Variants in ZNF519 observed in about 807,000 individuals in gnomAD.
ZNF519 encodes similar to Zinc finger protein 85 (Zinc finger protein HPF4) (HTF1).
ZNF519 carries 7 observed loss-of-function variants against 7.4 expected under a neutral mutation model. The ratio of observed to expected loss-of-function variants is 0.94; its 90% confidence interval spans 0.54 to 1.77. The LOEUF (loss-of-function observed/expected upper bound fraction) is 1.77, where lower values mean the gene tolerates loss of function less well. Among genes scored for constraint, ZNF519 ranks in the 40% most tolerant of loss-of-function variants. The pLI is 0.00. For synonymous variants in ZNF519, 179 were observed against 203.3 expected (o/e 0.88, Z 1.02); for missense variants, 586 against 623.1 (o/e 0.94, Z 0.63).
At position 14,105,955 on chromosome 18, in the gene ZNF519, C is replaced by CT. The variant is rs2046188631; in HGVS notation, c.584dup (p.Leu196AlafsTer5). On this transcript the variant is annotated frameshift_variant, in exon 3 of 3. Coordinates refer to ENST00000590202, the MANE Select transcript of ZNF519 (RefSeq NM_145287.4). LOFTEE classifies it low-confidence loss of function (END_TRUNC). ...TATGGATATTTTCAGGGAAAATAAG[C>CT]TTTGAGGATTGGTAAAATACTTTTT... 1 of 1,604,654 alleles carries CT rather than the reference C, an allele frequency of 6.2e-7. No individual in the cohort carries two copies. The highest frequency in any genetic ancestry group is 1.3e-5 in the African/African-American group (1 of 74,554).
At chr18:14,111,515 G>GAAAAAAAAAAAAAAA (rs371322134) in intron 2 of ZNF519, among the ~76,000 whole-genome samples, 1 of 72,638 alleles carries the variant, frequency 1.4e-5, no homozygotes, top group African/African-American at 5.1e-5. Flanking sequence ...TCAAAAAAAA[G>GAAAAAAAAAAAAAAA]AAAAAAAAAA....
At chr18:14,096,095 C>T (rs2046135398), downstream of ZNF519, among the ~76,000 whole-genome samples, 1 of 152,228 alleles carries the variant, frequency 6.6e-6, no homozygotes, top group Non-Finnish European at 1.5e-5. Flanking sequence ...GGCCTGAGGT[C>T]AGGGGCCATG....
In ZNF519 at chr18:14,104,500, C is replaced by T. The variant is rs2046177702; in HGVS notation, c.*417G>A. On this transcript the variant is annotated 3_prime_UTR_variant, in exon 3 of 3. Coordinates refer to ENST00000590202, the MANE Select transcript of ZNF519 (RefSeq NM_145287.4). ...ATGCCTACCTAACGTAGAAGGGACTCTCATGTCAGAGACAGCAATAATCAA... is the reference window on the plus strand; with the variant it reads ...ATGCCTACCTAACGTAGAAGGGACTTTCATGTCAGAGACAGCAATAATCAA... 1 of 157,320 alleles carries T rather than the reference C, an allele frequency of 6.4e-6. No individual in the cohort carries two copies. Among genetic ancestry groups the T allele is most frequent in the Admixed American group, 6.2e-5 (1 of 16,068 alleles). The allele number at this position is 157,320 out of a possible 1,614,324, so 9.7% of individuals were successfully genotyped here. A position where few individuals can be genotyped will look rare whatever the true frequency, so the allele number is the denominator to read the frequency against.
chr18:14,108,646 A>G lies in ZNF519; in HGVS notation c.131-2237T>C, dbSNP rs146412124. Among the ~76,000 whole-genome samples, 236 of 152,334 alleles carry G rather than the reference A, an allele frequency of 1.5e-3. 1 individual carries two copies. The highest frequency in any genetic ancestry group is 0.011 in the East Asian group (58 of 5,194). ...AAAAAAGACTGATTTGTTGCCTACA[A>G]GAAACACACTTCACCTATAAACACA... is the stretch of plus-strand genomic sequence containing the variant. On this transcript the variant is annotated intron_variant, in intron 2 of 2. Coordinates refer to ENST00000590202, the MANE Select transcript of ZNF519 (RefSeq NM_145287.4).
rs2046155200 is a variant in ZNF519 at position 14,100,407 on chromosome 18, T to C, written c.*4510A>G. On this transcript the variant is annotated 3_prime_UTR_variant, in exon 3 of 3. Transcript: ENST00000590202. Reference sequence around the variant, plus strand: ...TTATTCATAATAGCCACACACTGACTGAAAACAACAAATATGTTCTTGAAA... The same window carrying C: ...TTATTCATAATAGCCACACACTGACCGAAAACAACAAATATGTTCTTGAAA... The C allele has an allele frequency of 6.6e-6, 1 of 152,178 alleles. No homozygotes were observed. The highest frequency in any genetic ancestry group is 1.5e-5 in the Non-Finnish European group (1 of 68,038). The allele number at this position is 152,178 out of a possible 1,614,324, so 9.4% of individuals were successfully genotyped here.
Position 14,106,376 on chromosome 18 carries a change from G to A in ZNF519, c.164C>T (p.Pro55Leu), listed in dbSNP as rs2143129642. The A allele has an allele frequency of 1.3e-6, 2 of 1,599,348 alleles. No homozygotes were observed. Among genetic ancestry groups the A allele is most frequent in the Non-Finnish European group, 1.7e-6 (2 of 1,174,550 alleles). Residue 55 changes from proline (P) to leucine (L), a missense_variant, in exon 3 of 3, where the codon CCA becomes CTA. Transcript: ENST00000590202. ...VYSYYNQGIL[P>L]EQGIQDSFKK... Reference sequence around the variant, plus strand: ...GAATGAATCTTGTATGCCTTGCTCTGGTAAAATGCCTTGGTTGTAATAAGA... The same window carrying A: ...GAATGAATCTTGTATGCCTTGCTCTAGTAAAATGCCTTGGTTGTAATAAGA...
chr18:14,105,599 T>C lies in ZNF519; in HGVS notation c.941A>G (p.His314Arg). 1 of 1,614,074 alleles carries C rather than the reference T, an allele frequency of 6.2e-7. No individual in the cohort carries two copies. Among genetic ancestry groups the C allele is most frequent in the African/African-American group, 1.3e-5 (1 of 75,054 alleles). Residue 314 changes from histidine to arginine, a missense_variant, in exon 3 of 3, where the codon CAT becomes CGT. Transcript: ENST00000590202. ...ACACTTGAAAGGCTTCTCTCCAGTATGGATTCTCTGATGTTGAGCAAGGTG... is the reference window on the plus strand; with the variant it reads ...ACACTTGAAAGGCTTCTCTCCAGTACGGATTCTCTGATGTTGAGCAAGGTG... ...SSHLAQHQRI[H>R]TGEKPFKCKE...
rs1333615647 is a variant in ZNF519 at position 14,103,269 on chromosome 18, T to C, written c.*1648A>G. On this transcript the variant is annotated 3_prime_UTR_variant, in exon 3 of 3. Transcript: ENST00000590202. ...CAAAATTAGAAGTACACATAAATCA[T>C]TCTCCAGGATAGACCATATGCTAGG... is the stretch of plus-strand genomic sequence containing the variant. The C allele has an allele frequency of 6.6e-6, 1 of 152,068 alleles. No individual in the cohort carries two copies. Among genetic ancestry groups the C allele is most frequent in the Non-Finnish European group, 1.5e-5 (1 of 67,964 alleles). 9.4% of individuals were successfully genotyped at this position (152,068 alleles called of 1,614,324 possible).
At chr18:14,083,536 C>T (rs17535842) in intron 3 of ZNF519, among the ~76,000 whole-genome samples, 1 of 151,986 alleles carries the variant, frequency 6.6e-6, no homozygotes, top group South Asian at 2.1e-4. Context: ...ATGAAACCAC[C>T]CTTTATCATC....
chr18:14,109,414 T>C (rs1217471373), intron 2 of ZNF519, among the ~76,000 whole-genome samples: 1 of 152,156 alleles, frequency 6.6e-6, no homozygotes, highest in Non-Finnish European at 1.5e-5. Context: ...AGAATACACA[T>C]TTTTCTCTGC....
rs1567945522 is a variant in ZNF519 at position 14,102,575 on chromosome 18, A to ATATCTC, written c.*2336_*2341dup. ...ACATTTACAAGTCACATTTATGAAT[A>ATATCTC]TATCTCTTATTTAGAGAATTACAAT... is the stretch of plus-strand genomic sequence containing the variant. On this transcript the variant is annotated 3_prime_UTR_variant, in exon 3 of 3. Transcript: ENST00000590202. 6.6e-6 allele frequency: 1 copy of ATATCTC among 152,236 alleles called. No homozygotes were observed. Among genetic ancestry groups the ATATCTC allele is most frequent in the Non-Finnish European group, 1.5e-5 (1 of 68,046 alleles). The allele number at this position is 152,236 out of a possible 1,614,324, so 9.4% of individuals were successfully genotyped here. A position where few individuals can be genotyped will look rare whatever the true frequency, so the allele number is the denominator to read the frequency against.
At chr18:14,111,422 G>C (rs1325263833) in intron 2 of ZNF519, among the ~76,000 whole-genome samples, 4 of 150,378 alleles carry the variant, frequency 2.7e-5, no homozygotes, top group Non-Finnish European at 5.9e-5. Flanking sequence ...AGGTAGAATT[G>C]CTGGAAGTCA....
chr18:14,122,699 AC>A (rs2143161869), intron 2 of ZNF519: 2 of 151,992 alleles, frequency 1.3e-5, no homozygotes, highest in South Asian at 2.1e-4. Context: ...AAAAAACACA[AC>A]CTTTTCAGAA....
intron 2 of ZNF519, among the ~76,000 whole-genome samples, chr18:14,108,308 G>A (rs2046204225): frequency 1.3e-5 from 2 of 152,188 alleles, no homozygotes; most frequent in African/African-American, 4.8e-5. Flanking sequence ...GGACTGGAGT[G>A]AGAACTTCCA....
At chr18:14,127,647 CAT>C (rs1250513556) in intron 1 of ZNF519, among the ~76,000 whole-genome samples, 1 of 152,108 alleles carries the variant, frequency 6.6e-6, no homozygotes, top group Non-Finnish European at 1.5e-5. Context: ...AATTAATGCA[CAT>C]GTGTGATCCT....
At position 14,113,978 on chromosome 18, in the gene ZNF519, T is replaced by A. The variant is rs2143144953; in HGVS notation, c.131-7569A>T. Among the ~76,000 whole-genome samples the A allele has an allele frequency of 2.0e-5, 3 of 152,358 alleles. No homozygotes were observed. The South Asian group carries it at 6.2e-4, about 32-fold the overall frequency. On this transcript the variant is annotated intron_variant, in intron 2 of 2. Transcript: ENST00000590202. ...ATTCACATTTTTTGCTCATTTTTAA[T>A]CAGATTATTAAATTTTATCCTATAG... is the stretch of plus-strand genomic sequence containing the variant.
intron 2 of ZNF519, chr18:14,090,481 T>A (rs1390357781): frequency 6.6e-6 from 1 of 152,188 alleles, no homozygotes; most frequent in Non-Finnish European, 1.5e-5. Context: ...GAAGAGCTCA[T>A]AGGAATCACC....
At chr18:14,131,229 A>T (rs8084243) in intron 1 of ZNF519, among the ~76,000 whole-genome samples, 30,779 of 152,140 alleles carry the variant, frequency 0.2, 3,410 homozygotes, top group Middle Eastern at 0.24. Flanking sequence ...GTTGAGTGCC[A>T]GGGGATTATT....
intron 2 of ZNF519, among the ~76,000 whole-genome samples, chr18:14,091,311 GC>G (rs1312801569): frequency 6.6e-6 from 1 of 152,082 alleles, no homozygotes; most frequent in East Asian, 1.9e-4. Flanking sequence ...CCACATCACT[GC>G]CCCCCATTTC....
Sources: gnomAD v4.1 joint callset for allele counts (sites outside exome capture counted in the v4.1 genomes callset) on GRCh38, gnomAD v4.1.1 for gene constraint, MANE v1.5 for transcripts, NCBI Gene and HGNC (gene_info 2026-07-23, HGNC 2026-07-21) for gene names.